Variants in NTRK2 observed in about 807,000 individuals in gnomAD.
NTRK2 encodes the protein BDNF/NT-3 growth factors receptor.
In NTRK2, 13 loss-of-function variants were observed where a neutral mutation model predicts 94.5. The ratio of observed to expected loss-of-function variants is 0.14; its 90% CI spans 0.09 to 0.22. The LOEUF is 0.22. NTRK2 is among the 10% of genes least tolerant of loss of function. NTRK2 has a pLI of 1.00. For missense variants in NTRK2, 639 were observed against 1,071.2 expected (o/e 0.60, Z 5.63); for synonymous variants, 372 against 407.4 (o/e 0.91, Z 1.05).
intron 12 of NTRK2, among the ~76,000 whole-genome samples, chr9:84,762,576 G>A (rs1442526972): frequency 2.6e-5 from 4 of 152,050 alleles, no homozygotes; most frequent in African/African-American, 7.3e-5. Context: ...TTATATCTTC[G>A]TTTTCCTGTG....
At chr9:84,901,695 G>T (rs1359208308) in intron 14 of NTRK2, among the ~76,000 whole-genome samples, 1 of 151,996 alleles carries the variant, frequency 6.6e-6, no homozygotes, top group Non-Finnish European at 1.5e-5. Context: ...CTCCTAAAAT[G>T]CAATAATGAT....
chr9:84,823,126 C>T (rs967048140), intron 12 of NTRK2, among the ~76,000 whole-genome samples: 5 of 151,928 alleles, frequency 3.3e-5, no homozygotes, highest in African/African-American at 1.2e-4. Flanking sequence ...CTGGGCAAGT[C>T]AACATTTTGA....
At chr9:84,901,809 T>C (rs1363449522) in intron 14 of NTRK2, among the ~76,000 whole-genome samples, 1 of 152,168 alleles carries the variant, frequency 6.6e-6, no homozygotes, top group Non-Finnish European at 1.5e-5. Context: ...ATTCCCTCTG[T>C]ACAGAATGCT....
chr9:84,802,806 T>C (rs1387991942), intron 12 of NTRK2, among the ~76,000 whole-genome samples: 4 of 152,204 alleles, frequency 2.6e-5, no homozygotes, highest in African/African-American at 9.6e-5. Flanking sequence ...GTGTGCATAG[T>C]GATCTGCCGT....
chr9:84,825,618 C>G (rs1271237795), intron 12 of NTRK2, among the ~76,000 whole-genome samples: 1 of 152,198 alleles, frequency 6.6e-6, no homozygotes, highest in Non-Finnish European at 1.5e-5. Context: ...ATTCAGACAG[C>G]ATGGCATGCA....
chr9:84,814,535 A>G (rs1266478044), intron 12 of NTRK2: 2 of 1,065,922 alleles, frequency 1.9e-6, no homozygotes, highest in Admixed American at 5.3e-5. Flanking sequence ...ATTAGAACAC[A>G]CACGACTTTT....
At chr9:84,843,458 G>A (rs1206308807) in intron 12 of NTRK2, among the ~76,000 whole-genome samples, 1 of 152,216 alleles carries the variant, frequency 6.6e-6, no homozygotes, top group East Asian at 1.9e-4. Flanking sequence ...CCGACTGAGA[G>A]GTGAGCCAGC....
At chr9:84,907,640 T>C (rs578150146) in intron 14 of NTRK2, among the ~76,000 whole-genome samples, 34 of 152,068 alleles carry the variant, frequency 2.2e-4, no homozygotes, top group African/African-American at 7.9e-4. Flanking sequence ...ATAATGTGTG[T>C]CTGTTGATAA....
At chr9:84,712,332 G>A (rs184268833) in intron 6 of NTRK2, among the ~76,000 whole-genome samples, 2 of 152,300 alleles carry the variant, frequency 1.3e-5, no homozygotes, top group East Asian at 1.9e-4. Flanking sequence ...GATAGGGGAC[G>A]TGTAGGGAGT....
intron 12 of NTRK2, among the ~76,000 whole-genome samples, chr9:84,794,208 G>C (rs1230378911): frequency 1.3e-5 from 2 of 152,190 alleles, no homozygotes; most frequent in Non-Finnish European, 1.5e-5. Flanking sequence ...TGTTCAGAGA[G>C]AGAGATTTAA....
At position 85,026,805 on chromosome 9, in the gene NTRK2, T is replaced by C. The variant is rs554947616; in HGVS notation, c.*5368T>C. On this transcript the variant is annotated 3_prime_UTR_variant, in exon 19 of 19. Transcript: ENST00000277120. ...TCCTTTTCATTTGGCTTATCTTCCT[T>C]TTAATGTGATGTCTCTGTGCTAATA... 8.6e-6 allele frequency: 2 copies of C among 233,080 alleles called. No homozygotes were observed. The highest frequency in any genetic ancestry group is 1.2e-4 in the East Asian group (2 of 16,500). The allele number at this position is 233,080 out of a possible 1,614,324, so 14.4% of individuals were successfully genotyped here. A position where few individuals can be genotyped will look rare whatever the true frequency, so the allele number is the denominator to read the frequency against.
intron 17 of NTRK2, among the ~76,000 whole-genome samples, chr9:84,978,100 T>A (rs1827124494): frequency 6.6e-6 from 1 of 152,168 alleles, no homozygotes; most frequent in Admixed American, 6.5e-5. Context: ...GGACAATTAA[T>A]AACCCTACAC....
intron 14 of NTRK2, chr9:84,873,631 A>G: frequency 9.5e-7 from 1 of 1,054,052 alleles, no homozygotes; most frequent in South Asian, 4.6e-5. Flanking sequence ...GGAAATGAAT[A>G]CATGCTGCAT....
intron 5 of NTRK2, among the ~76,000 whole-genome samples, chr9:84,709,449 T>C (rs145890361): frequency 6.6e-6 from 1 of 152,282 alleles, no homozygotes; most frequent in Non-Finnish European, 1.5e-5. Flanking sequence ...CTATTCCATA[T>C]CTCATAACAT....
chr9:84,679,963 G>A (rs1056481057), intron 2 of NTRK2, among the ~76,000 whole-genome samples: 10 of 151,844 alleles, frequency 6.6e-5, no homozygotes, highest in Non-Finnish European at 1.5e-4. Context: ...CCCATTCCTG[G>A]CCCACTTCTG....
intron 5 of NTRK2, among the ~76,000 whole-genome samples, chr9:84,708,809 A>T (rs1267947978): frequency 6.6e-6 from 1 of 152,356 alleles, no homozygotes; most frequent in East Asian, 1.9e-4. Context: ...TGGGTGTTAT[A>T]TGGTGAAAGT....
chr9:84,811,451 C>T (rs936740205), intron 12 of NTRK2: 4 of 1,065,648 alleles, frequency 3.8e-6, no homozygotes, highest in Non-Finnish European at 4.5e-6. Context: ...TATAACCTTG[C>T]CCTTTTTTAT....
At chr9:84,884,422 G>T (rs963405135) in intron 14 of NTRK2, among the ~76,000 whole-genome samples, 5 of 152,270 alleles carry the variant, frequency 3.3e-5, no homozygotes, top group African/African-American at 1.2e-4. Flanking sequence ...TTGAAAAACT[G>T]AAATTTGCAA....
intron 12 of NTRK2, among the ~76,000 whole-genome samples, chr9:84,784,925 G>GT (rs1564268501): frequency 6.6e-6 from 1 of 152,016 alleles, no homozygotes; most frequent in African/African-American, 2.4e-5. Flanking sequence ...CTTAGTGAGT[G>GT]TTTTTTTCTT....
Sources: gnomAD v4.1 joint callset for allele counts (sites outside exome capture counted in the v4.1 genomes callset) on GRCh38, gnomAD v4.1.1 for gene constraint, MANE v1.5 for transcripts, NCBI Gene and HGNC (gene_info 2026-07-23, HGNC 2026-07-21) for gene names.